The following SLC9A9 variants were observed in gnomAD, a reference collection of about 807,000 sequenced individuals.
SLC9A9 encodes sodium/hydrogen exchanger 9.
SLC9A9 carries 62 observed loss-of-function variants against 77.8 expected under a neutral mutation model. The ratio of observed to expected loss-of-function variants is 0.80; its 90% CI spans 0.65 to 0.98. The LOEUF is 0.98. SLC9A9 is among the 50% of genes least tolerant of loss of function. SLC9A9 has a pLI of 0.00. For missense variants in SLC9A9, 775 were observed against 774.9 expected, an observed-to-expected ratio of 1.00 and a Z score of 0.00; for synonymous variants, 320 against 283.5, an observed-to-expected ratio of 1.13 and a Z score of -1.29.
chr3:143,335,051 A>G (rs748633681), intron 14 of SLC9A9, among the ~76,000 whole-genome samples: 121 of 152,158 alleles, frequency 8.0e-4, no homozygotes, highest in Non-Finnish European at 1.5e-3. Context: ...AGAAAACCCT[A>G]AGGATTCCAC....
chr3:143,471,728 C>A (rs1253772920), intron 11 of SLC9A9, among the ~76,000 whole-genome samples: 1 of 152,150 alleles, frequency 6.6e-6, no homozygotes, highest in Admixed American at 6.5e-5. Flanking sequence ...TATACCATTT[C>A]ATTTTAAATG....
At chr3:143,350,916 G>C (rs962378359) in intron 14 of SLC9A9, among the ~76,000 whole-genome samples, 1 of 152,070 alleles carries the variant, frequency 6.6e-6, no homozygotes, top group Non-Finnish European at 1.5e-5. Flanking sequence ...TCAAAGTTCA[G>C]CTCGAATCTA....
In SLC9A9 at chr3:143,733,581, G is replaced by A. The variant is rs78005194; in HGVS notation, c.534-40274C>T. Among the ~76,000 whole-genome samples, 598 of 152,208 alleles carry A rather than the reference G, an allele frequency of 3.9e-3. 8 individuals carry two copies. The highest frequency in any genetic ancestry group is 0.014 in the African/African-American group (567 of 41,502). ...GGAGAAGTAGAGTAGAAAGAGGGGTGTGAGGTGCCCACACAGATGAGCCTG... is the reference window on the plus strand; with the variant it reads ...GGAGAAGTAGAGTAGAAAGAGGGGTATGAGGTGCCCACACAGATGAGCCTG... On this transcript the variant is annotated intron_variant, in intron 4 of 15. Coordinates refer to ENST00000316549, the MANE Select transcript of SLC9A9 (RefSeq NM_173653.4).
chr3:143,502,168 T>A (rs2035933855), intron 9 of SLC9A9, among the ~76,000 whole-genome samples: 1 of 151,048 alleles, frequency 6.6e-6, no homozygotes. Flanking sequence ...TCCGGTACAG[T>A]AAACATTTAT....
chr3:143,582,630 G>T (rs1345831699), intron 6 of SLC9A9, among the ~76,000 whole-genome samples: 2 of 152,180 alleles, frequency 1.3e-5, no homozygotes, highest in Admixed American at 6.5e-5. Context: ...GTACCGCAGA[G>T]AAATGGCCAT....
At chr3:143,517,074 C>CT (rs776755743) in intron 9 of SLC9A9, 44,705 of 843,866 alleles carry the variant, frequency 0.053, 18 homozygotes, top group Middle Eastern at 0.068. Flanking sequence ...ATTTCTTTAA[C>CT]TTTTTTTTTT....
At chr3:143,768,552 T>C (rs1351404993) in intron 4 of SLC9A9, among the ~76,000 whole-genome samples, 1 of 152,174 alleles carries the variant, frequency 6.6e-6, no homozygotes, top group Non-Finnish European at 1.5e-5. Context: ...GAGGAACCTG[T>C]TTAAGATATC....
At chr3:143,351,305 T>G (rs1428783368) in intron 14 of SLC9A9, among the ~76,000 whole-genome samples, 2 of 152,248 alleles carry the variant, frequency 1.3e-5, no homozygotes. Context: ...GATCAGCAGT[T>G]TGAAAAACCC....
chr3:143,426,271 T>C (rs2034403142), intron 12 of SLC9A9, among the ~76,000 whole-genome samples: 4 of 152,186 alleles, frequency 2.6e-5, no homozygotes, highest in African/African-American at 9.6e-5. Flanking sequence ...CTGGCTCTTA[T>C]TGGCACAGGT....
chr3:143,420,569 G>T (rs1244850487), intron 12 of SLC9A9, among the ~76,000 whole-genome samples: 3 of 141,286 alleles, frequency 2.1e-5, no homozygotes, highest in African/African-American at 7.6e-5. Flanking sequence ...TTTAACTTGT[G>T]TTAGGTTGTT....
At chr3:143,705,035 C>A (rs1293223104) in intron 4 of SLC9A9, among the ~76,000 whole-genome samples, 2 of 31,070 alleles carry the variant, frequency 6.4e-5, no homozygotes, top group African/African-American at 2.2e-4. Context: ...ATCTATCTAT[C>A]TATCTATATA....
intron 12 of SLC9A9, among the ~76,000 whole-genome samples, chr3:143,443,337 T>C (rs1478007275): frequency 1.3e-5 from 2 of 152,154 alleles, no homozygotes; most frequent in Non-Finnish European, 2.9e-5. Context: ...GTGAACAGTT[T>C]TTTTTTTTAA....
At chr3:143,533,098 A>G (rs556356527) in intron 9 of SLC9A9, among the ~76,000 whole-genome samples, 43 of 152,216 alleles carry the variant, frequency 2.8e-4, no homozygotes, top group Non-Finnish European at 4.6e-4. Flanking sequence ...TACAGAGAAC[A>G]TTGCAACTCA....
At chr3:143,741,878 A>G (rs561328956) in intron 4 of SLC9A9, among the ~76,000 whole-genome samples, 1 of 152,266 alleles carries the variant, frequency 6.6e-6, no homozygotes, top group South Asian at 2.1e-4. Flanking sequence ...TCCTGGGCGT[A>G]GGCTGAGTTA....
chr3:143,403,830 A>T (rs567234655), intron 12 of SLC9A9, among the ~76,000 whole-genome samples: 29 of 152,232 alleles, frequency 1.9e-4, no homozygotes, highest in African/African-American at 6.5e-4. Context: ...CTTGTAATTC[A>T]CTGAACTTCT....
rs753457299 is a variant in SLC9A9, at chr3:143,531,513, A to T, written c.1089+20849T>A. On this transcript the variant is annotated intron_variant, in intron 9 of 15. Coordinates refer to ENST00000316549, the MANE Select transcript of SLC9A9 (RefSeq NM_173653.4). ...CACTAAATCAAATAAGACATAATGT[A>T]TAGGAAGTTTGTCTTAAAAACCTTT... 2.0e-5 allele frequency among the ~76,000 whole-genome samples: 3 copies of T among 152,256 alleles called. No individual in the cohort carries two copies. In the South Asian group the frequency reaches 6.2e-4, roughly 31 times the overall value.
chr3:143,388,334 G>A (rs1392788712), intron 12 of SLC9A9, among the ~76,000 whole-genome samples: 2 of 152,130 alleles, frequency 1.3e-5, no homozygotes. Flanking sequence ...ACTAAAGTAA[G>A]TGAAAAAACT....
intron 14 of SLC9A9, among the ~76,000 whole-genome samples, chr3:143,309,417 CAAA>C (rs10569058): frequency 0.036 from 5,004 of 137,310 alleles, 119 homozygotes; most frequent in South Asian, 0.048. Context: ...AACAGAAAAG[CAAA>C]AAAAAAAAAA....
intron 5 of SLC9A9, among the ~76,000 whole-genome samples, chr3:143,654,175 A>C (rs187725981): frequency 6.6e-6 from 1 of 152,236 alleles, no homozygotes; most frequent in Non-Finnish European, 1.5e-5. Flanking sequence ...GAGGTAATAC[A>C]TATATTAATA....
Sources: gnomAD v4.1 joint callset for allele counts (sites outside exome capture counted in the v4.1 genomes callset) on GRCh38, gnomAD v4.1.1 for gene constraint, MANE v1.5 for transcripts, NCBI Gene and HGNC (gene_info 2026-07-23, HGNC 2026-07-21) for gene names.